Variants in CDKL4 observed in about 807,000 individuals in gnomAD.
CDKL4 encodes cyclin dependent kinase like 4.
In CDKL4, 44 loss-of-function variants were observed where a neutral mutation model predicts 42.0. That is an observed-to-expected ratio of 1.05 (90% confidence interval 0.82 to 1.35). The LOEUF (loss-of-function observed/expected upper bound fraction) is 1.35, where lower values mean the gene tolerates loss of function less well. CDKL4 is among the 40% of genes most tolerant of loss of function. The pLI is 0.00. For missense variants in CDKL4, 393 were observed against 369.9 expected (o/e 1.06, Z -0.51); for synonymous variants, 120 against 121.6 (o/e 0.99, Z 0.09).
intron 5 of CDKL4, among the ~76,000 whole-genome samples, chr2:39,193,522 T>C (rs1027388542): frequency 6.6e-6 from 1 of 151,880 alleles, no homozygotes; most frequent in African/African-American, 2.4e-5. Context: ...ATTACAGACA[T>C]GCGCCAACAT....
rs955777709 is a variant in CDKL4 at position 39,239,828 on chromosome 2, G to T, written c.-57+4043C>A. On this transcript the variant is annotated intron_variant, in intron 1 of 9. Coordinates refer to ENST00000451199, the Ensembl canonical transcript of CDKL4. ...CATAGGGCCAGGCATGGTGGCTCACGCCTGTAATCCCAACACTTTGGGAGG... is the reference window on the plus strand; with the variant it reads ...CATAGGGCCAGGCATGGTGGCTCACTCCTGTAATCCCAACACTTTGGGAGG... Among the ~76,000 whole-genome samples the T allele has an allele frequency of 2.6e-5, 4 of 152,132 alleles. No homozygotes were observed. The South Asian group carries it at 8.3e-4, about 32-fold the overall frequency.
At chr2:39,233,239 C>G (rs1679177878) in intron 1 of CDKL4, among the ~76,000 whole-genome samples, 1 of 151,732 alleles carries the variant, frequency 6.6e-6, no homozygotes, top group Non-Finnish European at 1.5e-5. Context: ...CACCTCCTTC[C>G]CAAAGAGAAA....
intron 3 of CDKL4, among the ~76,000 whole-genome samples, chr2:39,214,397 A>G (rs1223284646): frequency 6.6e-6 from 1 of 152,222 alleles, no homozygotes; most frequent in Non-Finnish European, 1.5e-5. Context: ...ACAAATACCA[A>G]CATGTACACA....
intron 9 of CDKL4, among the ~76,000 whole-genome samples, chr2:39,177,155 G>C (rs1675198723): frequency 6.6e-6 from 1 of 152,154 alleles, no homozygotes; most frequent in African/African-American, 2.4e-5. Flanking sequence ...CCTTTTGGAA[G>C]GCCTTGTTCA....
At chr2:39,213,010 C>A (rs1572994642) in intron 4 of CDKL4, among the ~76,000 whole-genome samples, 1 of 152,120 alleles carries the variant, frequency 6.6e-6, no homozygotes, top group Non-Finnish European at 1.5e-5. Context: ...GGGTCACTGG[C>A]ACTATGGCAA....
chr2:39,185,392 ATATATACATATGTG>A (rs1303062656), intron 7 of CDKL4, among the ~76,000 whole-genome samples: 1 of 55,886 alleles, frequency 1.8e-5, no homozygotes, highest in African/African-American at 6.6e-5. Context: ...ATATACATGT[ATATATACATATGTG>A]TATATATACA....
intron 5 of CDKL4, among the ~76,000 whole-genome samples, chr2:39,193,246 C>T (rs1456954848): frequency 7.0e-6 from 1 of 143,500 alleles, no homozygotes; most frequent in Non-Finnish European, 1.5e-5. Context: ...CCAGCCTGGG[C>T]AGAATGGCGA....
chr2:39,211,699 C>T (rs1052428846), intron 4 of CDKL4, among the ~76,000 whole-genome samples: 7 of 151,664 alleles, frequency 4.6e-5, no homozygotes, highest in East Asian at 1.9e-4. Context: ...ATTACTGTCA[C>T]GAAATACTAG....
At chr2:39,218,164 T>C (rs1426189469) in intron 3 of CDKL4, among the ~76,000 whole-genome samples, 1 of 152,206 alleles carries the variant, frequency 6.6e-6, no homozygotes, top group Non-Finnish European at 1.5e-5. Flanking sequence ...AGTAATTTTC[T>C]GTGTTAACTT....
At chr2:39,217,603 C>T (rs1413959204) in intron 3 of CDKL4, among the ~76,000 whole-genome samples, 1 of 152,114 alleles carries the variant, frequency 6.6e-6, no homozygotes, top group South Asian at 2.1e-4. Context: ...ATTTTACTTC[C>T]ATTTCCCTTC....
At chr2:39,202,160 A>C (rs1039914759) in intron 5 of CDKL4, among the ~76,000 whole-genome samples, 25 of 151,750 alleles carry the variant, frequency 1.6e-4, no homozygotes, top group Admixed American at 1.6e-3. Flanking sequence ...TGAACCCAGG[A>C]AGTGGAGTTT....
At chr2:39,207,026 T>A (rs1454952772) in intron 4 of CDKL4, among the ~76,000 whole-genome samples, 1 of 152,144 alleles carries the variant, frequency 6.6e-6, no homozygotes, top group Non-Finnish European at 1.5e-5. Context: ...ATAATTTGTA[T>A]GAAGAGCAGT....
chr2:39,224,888 A>G (rs1198644652), intron 3 of CDKL4, among the ~76,000 whole-genome samples: 1 of 152,100 alleles, frequency 6.6e-6, no homozygotes, highest in African/African-American at 2.4e-5. Flanking sequence ...ACTGAATTCC[A>G]CTGGTTTTAA....
At chr2:39,209,750 G>A (rs912585749) in intron 4 of CDKL4, among the ~76,000 whole-genome samples, 5 of 152,134 alleles carry the variant, frequency 3.3e-5, no homozygotes, top group African/African-American at 1.2e-4. Context: ...GCTGTGAGTC[G>A]TCAGCAACAC....
intron 4 of CDKL4, among the ~76,000 whole-genome samples, chr2:39,207,837 C>T (rs1439375428): frequency 1.3e-5 from 2 of 152,148 alleles, no homozygotes; most frequent in African/African-American, 4.8e-5. Flanking sequence ...CGTGGTGGCT[C>T]ATGCCTGTAA....
the CDKL4 span, among the ~76,000 whole-genome samples, chr2:39,168,224 T>G: frequency 6.6e-6 from 1 of 152,182 alleles, no homozygotes; most frequent in African/African-American, 2.4e-5. Flanking sequence ...AGCTACGACT[T>G]CAAGTGATTT....
chr2:39,168,709 T>TA, the CDKL4 span, among the ~76,000 whole-genome samples: 41 of 132,364 alleles, frequency 3.1e-4, no homozygotes, highest in South Asian at 7.6e-4. Context: ...AAACTCCATC[T>TA]AAAAAAAAAA....
chr2:39,182,132 C>T (rs1470579116), intron 8 of CDKL4, among the ~76,000 whole-genome samples: 1 of 152,092 alleles, frequency 6.6e-6, no homozygotes, highest in Non-Finnish European at 1.5e-5. Context: ...AAGGCAAATG[C>T]CACCATGCCT....
Position 39,236,739 on chromosome 2 carries a change from T to TA in CDKL4, c.-57+7131dup, listed in dbSNP as rs376370456. On this transcript the variant is annotated intron_variant, in intron 1 of 9. Transcript: ENST00000451199. Reference sequence around the variant, plus strand: ...AAAATTAGGACCATACTACAGAAATTAAAAAAAATGACAATATTCCAAACA... The same window carrying TA: ...AAAATTAGGACCATACTACAGAAATTAAAAAAAAATGACAATATTCCAAACA... Among the ~76,000 whole-genome samples the TA allele has an allele frequency of 4.5e-3, 682 of 151,412 alleles. 4 individuals are homozygous for TA. The highest frequency in any genetic ancestry group is 0.016 in the African/African-American group (653 of 41,344).
Sources: allele counts gnomAD v4.1 joint callset (sites outside exome capture counted in the v4.1 genomes callset), GRCh38; gene constraint gnomAD v4.1.1; transcripts MANE v1.5; gene names NCBI Gene and HGNC (gene_info 2026-07-23, HGNC 2026-07-21).